Variants in CAPN5 observed in about 807,000 individuals in gnomAD.
The protein encoded by CAPN5 is calpain-5.
Under a neutral mutation model 73.0 loss-of-function variants are expected in CAPN5, and 54 were observed. That is an observed-to-expected ratio of 0.74 (90% CI 0.59 to 0.93). The LOEUF (loss-of-function observed/expected upper bound fraction) is 0.93. Among genes scored for constraint, CAPN5 ranks in the 40% least tolerant of loss-of-function variants. The pLI, the probability that CAPN5 is intolerant of heterozygous loss-of-function variation, is 0.00. For missense variants in CAPN5, 785 were observed against 882.9 expected, an observed-to-expected ratio of 0.89 and a Z score of 1.41; for synonymous variants, 335 against 356.9, an observed-to-expected ratio of 0.94 and a Z score of 0.69.
intron 1 of CAPN5, among the ~76,000 whole-genome samples, chr11:77,074,080 C>A (rs1452887786): frequency 6.6e-6 from 1 of 152,200 alleles, no homozygotes; most frequent in Non-Finnish European, 1.5e-5. Flanking sequence ...ACTTAGGGAG[C>A]AGATGGAGGA....
rs782305127 is a variant in CAPN5 at position 77,124,192 on chromosome 11, G to A, written c.*322G>A. 4.9e-5 allele frequency: 15 copies of A among 304,398 alleles called. No homozygotes were observed. The highest frequency in any genetic ancestry group is 8.5e-5 in the African/African-American group (4 of 47,038). 18.9% of individuals were successfully genotyped at this position (304,398 alleles called of 1,614,324 possible). A position where few individuals can be genotyped will look rare whatever the true frequency, so the allele number is the denominator to read the frequency against. ...GTCTGCCGAGGAGCGCCAAGAAGAT[G>A]TCACTTGTTTACACACGAACTGCCA... On this transcript the variant is annotated 3_prime_UTR_variant, in exon 13 of 13. Transcript: ENST00000648180.
At chr11:77,120,576 T>C (rs4517554) in intron 9 of CAPN5, 137 bp from the exon 10 acceptor site, 328,020 of 602,628 alleles carry the variant, frequency 0.54, 92,274 homozygotes, top group African/African-American at 0.8. Context: ...GCTTCTGTTA[T>C]TATAGATTTG....
At chr11:77,102,939 C>A in intron 3 of CAPN5, 2 of 1,613,080 alleles carry the variant, frequency 1.2e-6, no homozygotes, top group Admixed American at 3.3e-5. Flanking sequence ...GAGCCTGAAG[C>A]AGCGCGGGGA....
At chr11:77,095,895 A>G (rs1555037412) in intron 3 of CAPN5, among the ~76,000 whole-genome samples, 1 of 152,186 alleles carries the variant, frequency 6.6e-6, no homozygotes, top group Non-Finnish European at 1.5e-5. Context: ...CAGGGCCAGG[A>G]GGCTGATCTC....
chr11:77,122,531 G>GCCC, intron 11 of CAPN5, 45 bp from the exon 12 acceptor site: 1 of 1,228,402 alleles, frequency 8.1e-7, no homozygotes, highest in African/African-American at 1.5e-5. Flanking sequence ...CCCTGCCACA[G>GCCC]CCCCCACCCC....
In CAPN5 at chr11:77,085,789, G is replaced by A. The variant is rs532749241; in HGVS notation, c.165+738G>A. Among the ~76,000 whole-genome samples the A allele has an allele frequency of 2.6e-4, 40 of 152,294 alleles. No individual in the cohort carries two copies. In the South Asian group the frequency reaches 8.3e-3, roughly 32 times the overall value. On this transcript the variant is annotated intron_variant, in intron 2 of 12. Coordinates refer to ENST00000648180, the MANE Select transcript of CAPN5 (RefSeq NM_004055.5). The stretch of plus-strand genomic sequence containing the variant: ...GGAGGGGTTCGCTGCTTGTCTGTGG[G>A]TCCTGCAGAATGGGGTCCCTGGTGG...
At position 77,115,668 on chromosome 11, in the gene CAPN5, A is replaced by G. The variant is rs1485760775; in HGVS notation, c.893+80A>G. 4 of 1,196,662 alleles carry G rather than the reference A, an allele frequency of 3.3e-6. No individual in the cohort carries two copies. The African/African-American group carries it at 6.0e-5, about 18-fold the overall frequency. 74.1% of individuals were successfully genotyped at this position (1,196,662 alleles called of 1,614,324 possible). On this transcript the variant is annotated intron_variant, in intron 6 of 12. Transcript: ENST00000648180. ...GGGTGGGCTTCTTGGAGGAGTTGGCACTGGGGCTGGGCCTTGAAGGATCTG... is the reference window on the plus strand; with the variant it reads ...GGGTGGGCTTCTTGGAGGAGTTGGCGCTGGGGCTGGGCCTTGAAGGATCTG...
At chr11:77,078,842 T>A (rs1949999713) in intron 1 of CAPN5, among the ~76,000 whole-genome samples, 1 of 152,198 alleles carries the variant, frequency 6.6e-6, no homozygotes. Flanking sequence ...ATGGTAACTA[T>A]TGTAAATGGG....
chr11:77,073,939 G>A (rs1163933376), intron 1 of CAPN5, among the ~76,000 whole-genome samples: 7 of 152,072 alleles, frequency 4.6e-5, no homozygotes, highest in Non-Finnish European at 1.0e-4. Context: ...TCCCTCCACC[G>A]CACATTCTCC....
chr11:77,082,194 G>T (rs1436079772), intron 1 of CAPN5, among the ~76,000 whole-genome samples: 2 of 152,078 alleles, frequency 1.3e-5, no homozygotes, highest in African/African-American at 2.4e-5. Flanking sequence ...GCTGCGAGGA[G>T]CTCCGAGCCC....
chr11:77,113,600 G>C (rs552006328), intron 4 of CAPN5, among the ~76,000 whole-genome samples: 1 of 152,088 alleles, frequency 6.6e-6, no homozygotes, highest in Non-Finnish European at 1.5e-5. Context: ...CAAGAGAAAG[G>C]GGGAGAGAGG....
At chr11:77,096,952 G>A (rs1950215672) in intron 3 of CAPN5, among the ~76,000 whole-genome samples, 1 of 152,228 alleles carries the variant, frequency 6.6e-6, no homozygotes, top group African/African-American at 2.4e-5. Context: ...GCCAGGCGCG[G>A]TGGCTCACGC....
At chr11:77,106,227 C>T (rs963351980) in intron 3 of CAPN5, among the ~76,000 whole-genome samples, 7 of 152,168 alleles carry the variant, frequency 4.6e-5, no homozygotes, top group African/African-American at 1.7e-4. Flanking sequence ...ACACACCCCT[C>T]ACAGCATGCG....
At chr11:77,091,049 G>T (rs1441673897) in intron 2 of CAPN5, among the ~76,000 whole-genome samples, 2 of 152,206 alleles carry the variant, frequency 1.3e-5, no homozygotes, top group Non-Finnish European at 2.9e-5. Context: ...GGAAGGAGGG[G>T]CCAGGTCTCA....
At chr11:77,089,301 T>C (rs1367878419) in intron 2 of CAPN5, among the ~76,000 whole-genome samples, 1 of 152,226 alleles carries the variant, frequency 6.6e-6, no homozygotes, top group Non-Finnish European at 1.5e-5. Flanking sequence ...ACCAGCACTC[T>C]CCATGCCTGC....
At position 77,069,828 on chromosome 11, in the gene CAPN5, A is replaced by T. The variant is rs556616684; in HGVS notation, c.-36+2734A>T. Among the ~76,000 whole-genome samples the T allele has an allele frequency of 2.6e-3, 393 of 152,124 alleles. 2 individuals carry two copies. The highest frequency in any genetic ancestry group is 4.0e-3 in the Non-Finnish European group (273 of 67,968). On this transcript the variant is annotated intron_variant, in intron 1 of 12. Transcript: ENST00000648180. ...CTCTCCATCCCTGGTCCCCGCTCAAAACTTTCCTGGGCTCACCGTGGTCCT... is the reference window on the plus strand; with the variant it reads ...CTCTCCATCCCTGGTCCCCGCTCAATACTTTCCTGGGCTCACCGTGGTCCT...
intron 3 of CAPN5, among the ~76,000 whole-genome samples, chr11:77,098,949 C>T (rs1591129771): frequency 9.3e-5 from 6 of 64,486 alleles, no homozygotes; most frequent in East Asian, 1.0e-3. Flanking sequence ...GGCTGCCGGG[C>T]GGAGGGGCTC....
At chr11:77,088,519 G>T (rs1165994042) in intron 2 of CAPN5, among the ~76,000 whole-genome samples, 1 of 152,166 alleles carries the variant, frequency 6.6e-6, no homozygotes, top group Non-Finnish European at 1.5e-5. Context: ...AAGGAGGTAG[G>T]GCTGGGGGAG....
rs372486853 is a variant in CAPN5, at chr11:77,084,967, C to T, written c.81C>T (p.Phe27=). ...RRDCRRRKVL[F]EDPLFPATDD... is the part of the protein sequence containing the mutation. ...ACTGCCGGCGCAGGAAGGTGCTCTT[C>T]GAGGACCCCCTCTTCCCCGCCACTG... The change falls in exon 2 of 13, where the codon TTC becomes TTT. Residue 27 remains phenylalanine, a synonymous_variant. Coordinates refer to ENST00000648180, the MANE Select transcript of CAPN5 (RefSeq NM_004055.5). 26 of 1,613,438 alleles carry T rather than the reference C, an allele frequency of 1.6e-5. No individual in the cohort carries two copies. Among genetic ancestry groups the T allele is most frequent in the East Asian group, 1.1e-4 (5 of 44,888 alleles).
Sources: allele counts gnomAD v4.1 joint callset (sites outside exome capture counted in the v4.1 genomes callset), GRCh38; gene constraint gnomAD v4.1.1; transcripts MANE v1.5; gene names NCBI Gene and HGNC (gene_info 2026-07-23, HGNC 2026-07-21).